Variants in CIBAR1 observed in about 807,000 individuals in gnomAD.
CIBAR1 encodes the protein CBY1 interacting BAR domain containing 1, also known as CBY1-interacting BAR domain-containing protein 1.
In CIBAR1, 25 loss-of-function variants were observed where a neutral mutation model predicts 44.0. The observed-to-expected ratio is 0.57, with a 90% CI of 0.41 to 0.79. CIBAR1 has a LOEUF of 0.79. CIBAR1 is among the 30% of genes least tolerant of loss of function. The pLI, the probability that CIBAR1 is intolerant of heterozygous loss-of-function variation, is 0.00. For missense variants in CIBAR1, 278 were observed against 344.8 expected (o/e 0.81, Z 1.53); for synonymous variants, 115 against 119.0 (o/e 0.97, Z 0.22).
At chr8:93,704,798 C>A in intron 3 of CIBAR1, 111 bp from the exon 4 acceptor site, 1 of 623,432 alleles carries the variant, frequency 1.6e-6, no homozygotes, top group South Asian at 2.3e-5. Flanking sequence ...CAGGATCACA[C>A]AAGAAGTATT....
At chr8:93,726,194 A>AC (rs1236639878) in intron 7 of CIBAR1, 200 bp from the exon 8 acceptor site, 2 of 479,350 alleles carry the variant, frequency 4.2e-6, no homozygotes, top group Non-Finnish European at 7.5e-6. Context: ...TCATCATCTT[A>AC]CATAGTTCAA....
In CIBAR1 at chr8:93,709,835, C is replaced by CAA; in HGVS notation, c.503_504insAA (p.Asn170LeufsTer9). 6.2e-7 allele frequency: 1 copy of CAA among 1,612,828 alleles called. No homozygotes were observed. The highest frequency in any genetic ancestry group is 8.5e-7 in the Non-Finnish European group (1 of 1,179,612). The stretch of plus-strand genomic sequence containing the variant: ...CGAACAAGTCGTCATCTGGAGGAAA[C>CAA]TATTAACAACTTTGAAAGGCAGAAA... On this transcript the variant is annotated frameshift_variant, in exon 6 of 9. Coordinates refer to ENST00000518322, the MANE Select transcript of CIBAR1 (RefSeq NM_145269.5). LOFTEE classifies it high-confidence loss of function.
intron 7 of CIBAR1, 184 bp from the exon 8 acceptor site, chr8:93,726,210 A>G: frequency 1.9e-6 from 1 of 523,884 alleles, no homozygotes; most frequent in South Asian, 2.2e-5. Flanking sequence ...TTCAAATAGA[A>G]TTTTTAGCTT....
rs1056696126 is a variant in CIBAR1 at position 93,727,327 on chromosome 8, C to CA, written c.777+816dup. The CA allele has an allele frequency of 2.1e-5, 12 of 562,942 alleles. No homozygotes were observed. The African/African-American group carries it at 2.2e-4, about 10-fold the overall frequency. The allele number at this position is 562,942 out of a possible 1,614,324, so 34.9% of individuals were successfully genotyped here. ...GTTTTATATGTATGTATCTCTCCCC[C>CA]AACCCAATTGTATTTTTTTTATTCC... On this transcript the variant is annotated intron_variant, in intron 8 of 8. Coordinates refer to ENST00000518322, the MANE Select transcript of CIBAR1 (RefSeq NM_145269.5).
chr8:93,713,372 T>C (rs533090526), intron 6 of CIBAR1, among the ~76,000 whole-genome samples: 1 of 152,228 alleles, frequency 6.6e-6, no homozygotes, highest in South Asian at 2.1e-4. Context: ...TATTTCTGAG[T>C]TGTGAGAGAT....
In CIBAR1 at chr8:93,726,487, G is replaced by A; in HGVS notation, c.751G>A (p.Ala251Thr). The change falls in exon 8 of 9, where the codon GCT becomes ACT. Residue 251 changes from alanine to threonine, a missense_variant. Ala to Thr is a moderately conservative substitution (Grantham distance 58). Around this residue, in one of 3 missense-constraint regions of CIBAR1, gnomAD observed 93 missense variants for 108.9 expected, o/e 0.85. Coordinates refer to ENST00000518322, the MANE Select transcript of CIBAR1 (RefSeq NM_145269.5). ...SKSPLQRSLS[A>T]KCVSGTGQVS... ...GTCACCTCTTCAGAGATCACTGTCAGCTAAGTGTGTATCTGGAACAGGACA... is the reference window on the plus strand; with the variant it reads ...GTCACCTCTTCAGAGATCACTGTCAACTAAGTGTGTATCTGGAACAGGACA... The A allele has an allele frequency of 6.2e-7, 1 of 1,613,726 alleles. No homozygotes were observed. The highest frequency in any genetic ancestry group is 1.1e-5 in the South Asian group (1 of 91,074).
Position 93,729,392 on chromosome 8 carries a change from G to C in CIBAR1, c.*1095G>C, listed in dbSNP as rs1050599914. ...AAATTGATATTCTTAAGAAACTCAA[G>C]ATATCATTGGATATTTACTGCTTCC... On this transcript the variant is annotated 3_prime_UTR_variant, in exon 9 of 9. Coordinates refer to ENST00000518322, the MANE Select transcript of CIBAR1 (RefSeq NM_145269.5). 6.6e-6 allele frequency: 1 copy of C among 151,992 alleles called. No homozygotes were observed. Among genetic ancestry groups the C allele is most frequent in the African/African-American group, 2.4e-5 (1 of 41,400 alleles). The allele number at this position is 151,992 out of a possible 1,614,324, so 9.4% of individuals were successfully genotyped here.
chr8:93,718,529 G>A (rs1332811642), intron 6 of CIBAR1, 146 bp from the exon 7 acceptor site: 2 of 435,106 alleles, frequency 4.6e-6, no homozygotes, highest in Non-Finnish European at 8.0e-6. Context: ...CTGTTTTTCA[G>A]TTATCTTTTG....
intron 4 of CIBAR1, 47 bp from the exon 5 acceptor site, chr8:93,707,964 G>A (rs777852335): frequency 1.4e-6 from 2 of 1,386,272 alleles, no homozygotes; most frequent in Non-Finnish European, 2.0e-6. Flanking sequence ...TGAAAAAGCT[G>A]TTATACTCTC....
chr8:93,703,973 A>C (rs997277228), intron 3 of CIBAR1, among the ~76,000 whole-genome samples: 1 of 152,108 alleles, frequency 6.6e-6, no homozygotes, highest in African/African-American at 2.4e-5. Flanking sequence ...CCGAGGCAAG[A>C]AAATCGCTTG....
intron 6 of CIBAR1, among the ~76,000 whole-genome samples, chr8:93,713,616 C>T (rs1810919563): frequency 6.6e-6 from 1 of 152,184 alleles, no homozygotes; most frequent in Admixed American, 6.5e-5. Flanking sequence ...TTTATAGTTT[C>T]AGCCCTTATA....
intron 6 of CIBAR1, among the ~76,000 whole-genome samples, chr8:93,716,755 C>T (rs1159311365): frequency 6.6e-6 from 1 of 151,966 alleles, no homozygotes; most frequent in Non-Finnish European, 1.5e-5. Flanking sequence ...CTTATATTTT[C>T]TTGATTTTTA....
intron 8 of CIBAR1, chr8:93,727,342 T>G (rs1412838640): frequency 2.0e-6 from 1 of 511,492 alleles, no homozygotes; most frequent in Admixed American, 4.1e-5. Flanking sequence ...CAATTGTATT[T>G]TTTTTATTCC....
intron 6 of CIBAR1, chr8:93,715,999 G>A (rs1350551572): frequency 1.3e-5 from 2 of 152,030 alleles, no homozygotes; most frequent in Non-Finnish European, 2.9e-5. Context: ...ACCAATTTAC[G>A]TTCCTACTAA....
intron 2 of CIBAR1, chr8:93,702,020 T>C (rs1810380418): frequency 4.3e-6 from 1 of 230,668 alleles, no homozygotes; most frequent in African/African-American, 2.3e-5. Flanking sequence ...AGTGTCCTTG[T>C]GATTGTTTTC....
chr8:93,719,630 T>C (rs892456346), intron 7 of CIBAR1: 2 of 152,210 alleles, frequency 1.3e-5, no homozygotes, highest in African/African-American at 4.8e-5. Context: ...ATCACTAAGC[T>C]ATGAAATAAA....
At position 93,703,534 on chromosome 8, in the gene CIBAR1, G is replaced by A. The variant is rs1468381814; in HGVS notation, c.262-86G>A. On this transcript the variant is annotated intron_variant, in intron 2 of 8. Coordinates refer to ENST00000518322, the MANE Select transcript of CIBAR1 (RefSeq NM_145269.5). Reference sequence around the variant, plus strand: ...AATGTGTTTTGAGTTTAGATTCTGAGTCTTATCAATTTCTAGTGATTAGCC... The same window carrying A: ...AATGTGTTTTGAGTTTAGATTCTGAATCTTATCAATTTCTAGTGATTAGCC... The A allele has an allele frequency of 6.5e-6, 5 of 764,062 alleles. No individual in the cohort carries two copies. The African/African-American group carries it at 9.0e-5, about 14-fold the overall frequency. 47.3% of individuals were successfully genotyped at this position (764,062 alleles called of 1,614,324 possible).
At chr8:93,701,839 G>A (rs999846256) in intron 2 of CIBAR1, 1 of 226,704 alleles carries the variant, frequency 4.4e-6, no homozygotes, top group African/African-American at 2.3e-5. Flanking sequence ...GTTGGGAATG[G>A]TAATGTGGAT....
chr8:93,718,432 C>G (rs188187666), intron 6 of CIBAR1, among the ~76,000 whole-genome samples: 3 of 152,026 alleles, frequency 2.0e-5, no homozygotes, highest in Non-Finnish European at 4.4e-5. Flanking sequence ...AGAGAACTAA[C>G]TAAAATAAAA....
Sources: allele counts gnomAD v4.1 joint callset (sites outside exome capture counted in the v4.1 genomes callset), GRCh38; gene constraint gnomAD v4.1.1; regional missense constraint gnomAD v4.1.1; transcripts MANE v1.5; gene names NCBI Gene and HGNC (gene_info 2026-07-23, HGNC 2026-07-21).